Variants in BMPR1B observed in about 807,000 individuals in gnomAD.
BMPR1B encodes the protein bone morphogenetic protein receptor type 1B.
In BMPR1B, 12 loss-of-function variants were observed where a neutral mutation model predicts 59.1. That is an observed-to-expected ratio of 0.20 (90% CI 0.13 to 0.33). BMPR1B has a LOEUF of 0.33. Among genes scored for constraint, BMPR1B ranks in the 10% least tolerant of loss-of-function variants. The pLI, the probability that BMPR1B is intolerant of heterozygous loss-of-function variation, is 1.00. For missense variants in BMPR1B, 550 were observed against 610.9 expected (o/e 0.90, Z 1.05); for synonymous variants, 237 against 207.3 (o/e 1.14, Z -1.23).
intron 3 of BMPR1B, among the ~76,000 whole-genome samples, chr4:95,096,795 A>AGT (rs1730427895): frequency 1.4e-5 from 2 of 138,470 alleles, no homozygotes; most frequent in East Asian, 2.1e-4. Flanking sequence ...CTATATATCT[A>AGT]TATATAGAAT....
intron 2 of BMPR1B, among the ~76,000 whole-genome samples, chr4:94,978,153 A>AT (rs1057116483): frequency 2.4e-4 from 36 of 152,056 alleles, no homozygotes; most frequent in African/African-American, 7.7e-4. Flanking sequence ...TGTTTTGAGT[A>AT]TTTTTTTTAT....
rs896129921 is a variant in BMPR1B, at chr4:94,770,875, A to G, written c.-183+12807A>G. On this transcript the variant is annotated intron_variant, in intron 1 of 12. Coordinates refer to ENST00000515059, the MANE Select transcript of BMPR1B (RefSeq NM_001203.3). ...TACACAAGTTTTAACTTACCGAGACATGATTAGCCCTGCAAAAAAAAAAAA... is the reference window on the plus strand; with the variant it reads ...TACACAAGTTTTAACTTACCGAGACGTGATTAGCCCTGCAAAAAAAAAAAA... Among the ~76,000 whole-genome samples the G allele has an allele frequency of 5.0e-5, 7 of 138,854 alleles. No individual in the cohort carries two copies. In the East Asian group the frequency reaches 1.1e-3, roughly 21 times the overall value. 91.1% of individuals were successfully genotyped at this position (138,854 alleles called of 152,430 possible). A position where few individuals can be genotyped will look rare whatever the true frequency, so the allele number is the denominator to read the frequency against.
chr4:95,074,165 T>A (rs1180548257), intron 3 of BMPR1B, among the ~76,000 whole-genome samples: 1 of 152,120 alleles, frequency 6.6e-6, no homozygotes, highest in Non-Finnish European at 1.5e-5. Context: ...AATCCAAAAG[T>A]GGCTTTGGAG....
intron 1 of BMPR1B, among the ~76,000 whole-genome samples, chr4:94,830,646 A>G (rs1265369475): frequency 1.3e-5 from 2 of 152,288 alleles, no homozygotes; most frequent in East Asian, 3.9e-4. Flanking sequence ...TAAAATAATC[A>G]TGTATTACTT....
chr4:94,932,576 G>A (rs1729132156), intron 2 of BMPR1B, among the ~76,000 whole-genome samples: 1 of 152,078 alleles, frequency 6.6e-6, no homozygotes, highest in African/African-American at 2.4e-5. Flanking sequence ...ATTGCCATAT[G>A]TGAAACAGGT....
At chr4:95,058,669 G>A (rs541271700) in intron 3 of BMPR1B, among the ~76,000 whole-genome samples, 7 of 152,212 alleles carry the variant, frequency 4.6e-5, no homozygotes, top group African/African-American at 7.2e-5. Flanking sequence ...TTTTGGAAAC[G>A]CCACATGAAA....
chr4:94,827,272 G>A (rs1246650565), intron 1 of BMPR1B, among the ~76,000 whole-genome samples: 3 of 151,936 alleles, frequency 2.0e-5, no homozygotes, highest in Non-Finnish European at 4.4e-5. Context: ...TATAAAGTTC[G>A]TAATGCCTTT....
intron 1 of BMPR1B, among the ~76,000 whole-genome samples, chr4:94,854,392 A>G (rs1314295839): frequency 6.6e-6 from 1 of 152,192 alleles, no homozygotes; most frequent in Non-Finnish European, 1.5e-5. Context: ...TATGAACAGC[A>G]TATTTACAAA....
intron 2 of BMPR1B, among the ~76,000 whole-genome samples, chr4:94,950,002 A>T (rs1311010089): frequency 6.6e-6 from 1 of 152,170 alleles, no homozygotes; most frequent in Non-Finnish European, 1.5e-5. Flanking sequence ...GTGAGATGAT[A>T]TCTCATTGTG....
chr4:94,892,446 G>A (rs1030953125), intron 2 of BMPR1B, among the ~76,000 whole-genome samples: 1 of 152,072 alleles, frequency 6.6e-6, no homozygotes, highest in Non-Finnish European at 1.5e-5. Flanking sequence ...TGATCTCATA[G>A]TTGAGCTGTT....
intron 2 of BMPR1B, among the ~76,000 whole-genome samples, chr4:94,908,764 A>G (rs138786097): frequency 1.3e-5 from 2 of 152,040 alleles, no homozygotes; most frequent in Non-Finnish European, 2.9e-5. Context: ...CCGAAGTCAG[A>G]TATCTTCTCT....
intron 2 of BMPR1B, among the ~76,000 whole-genome samples, chr4:94,910,056 A>C (rs1407712233): frequency 1.3e-5 from 2 of 149,362 alleles, no homozygotes; most frequent in Admixed American, 6.7e-5. Context: ...AAAAAAAACA[A>C]AAAAAAAGAG....
intron 3 of BMPR1B, among the ~76,000 whole-genome samples, chr4:95,059,865 G>C (rs1727222450): frequency 6.6e-6 from 1 of 152,164 alleles, no homozygotes; most frequent in Non-Finnish European, 1.5e-5. Context: ...TGTTTTCCTT[G>C]TGGCAGATTT....
intron 2 of BMPR1B, among the ~76,000 whole-genome samples, chr4:94,924,784 G>T (rs533962764): frequency 6.6e-6 from 1 of 152,222 alleles, no homozygotes; most frequent in Admixed American, 6.5e-5. Context: ...CACTGAGGAT[G>T]TGAGTCTTTG....
intron 2 of BMPR1B, among the ~76,000 whole-genome samples, chr4:94,929,707 C>T (rs918857718): frequency 1.2e-4 from 18 of 152,062 alleles, no homozygotes; most frequent in African/African-American, 4.1e-4. Flanking sequence ...CATTTAACTG[C>T]ACTGTAGCTG....
At chr4:94,891,484 A>G (rs775065951) in intron 2 of BMPR1B, among the ~76,000 whole-genome samples, 1 of 152,122 alleles carries the variant, frequency 6.6e-6, no homozygotes, top group Non-Finnish European at 1.5e-5. Flanking sequence ...TAAAAACTTA[A>G]GAAGTATTAT....
In BMPR1B at chr4:94,808,016, C is replaced by CT. The variant is rs201017626; in HGVS notation, c.-183+49957dup. ...TCAGCATTTAAAATAATAATGAAAA[C>CT]TTTTTTTTTCCAGTGCAACATTGTA... On this transcript the variant is annotated intron_variant, in intron 1 of 12. Coordinates refer to ENST00000515059, the MANE Select transcript of BMPR1B (RefSeq NM_001203.3). Among the ~76,000 whole-genome samples the CT allele has an allele frequency of 3.2e-3, 479 of 151,632 alleles. 1 individual carries two copies. The highest frequency in any genetic ancestry group is 0.011 in the African/African-American group (459 of 41,394).
chr4:95,118,182 A>G (rs1732209316), intron 6 of BMPR1B, among the ~76,000 whole-genome samples: 1 of 152,194 alleles, frequency 6.6e-6, no homozygotes, highest in Admixed American at 6.5e-5. Context: ...GAGTCTACTC[A>G]GGTAGTGTCT....
chr4:94,835,380 T>A (rs939986156), intron 1 of BMPR1B, among the ~76,000 whole-genome samples: 8 of 152,040 alleles, frequency 5.3e-5, no homozygotes, highest in African/African-American at 1.9e-4. Flanking sequence ...TTGTTGACTG[T>A]TTTTTGGCAA....
Sources: allele counts gnomAD v4.1 joint callset (sites outside exome capture counted in the v4.1 genomes callset), GRCh38; gene constraint gnomAD v4.1.1; transcripts MANE v1.5; gene names NCBI Gene and HGNC (gene_info 2026-07-23, HGNC 2026-07-21).